The following SUCLG2 variants were observed in gnomAD, a reference collection of about 807,000 sequenced individuals.
SUCLG2 encodes succinate-CoA ligase GDP-forming subunit beta.
A neutral mutation model predicts 47.9 loss-of-function variants in SUCLG2; 42 were observed. That is an observed-to-expected ratio of 0.88 (90% confidence interval 0.69 to 1.14). The LOEUF is 1.14. Ranked by LOEUF, SUCLG2 falls within the 50% of genes most tolerant of loss-of-function variation. SUCLG2 has a pLI of 0.00. For synonymous variants in SUCLG2, 195 were observed against 197.3 expected (o/e 0.99, Z 0.10); for missense variants, 571 against 525.9 (o/e 1.09, Z -0.84).
chr3:67,394,263 A>G (rs375682190), intron 10 of SUCLG2, among the ~76,000 whole-genome samples: 1 of 151,948 alleles, frequency 6.6e-6, no homozygotes, highest in Admixed American at 6.6e-5. Context: ...CAAAGAAGTT[A>G]AAAACTTTGA....
At chr3:67,537,813 A>G (rs1207782757) in intron 2 of SUCLG2, among the ~76,000 whole-genome samples, 4 of 152,180 alleles carry the variant, frequency 2.6e-5, no homozygotes, top group African/African-American at 9.6e-5. Flanking sequence ...GCATTTCTCT[A>G]AAGACCAGTG....
At chr3:67,562,569 C>T (rs571682549) in intron 2 of SUCLG2, among the ~76,000 whole-genome samples, 7 of 152,314 alleles carry the variant, frequency 4.6e-5, no homozygotes, top group South Asian at 2.1e-4. Context: ...TGAGCCACTG[C>T]GCCCGGCCTC....
chr3:67,368,607 TTTA>T (rs1476576019), intron 10 of SUCLG2, among the ~76,000 whole-genome samples: 4 of 152,074 alleles, frequency 2.6e-5, no homozygotes, highest in African/African-American at 4.8e-5. Flanking sequence ...TATTTATTTA[TTTA>T]TTATTATTTT....
chr3:67,405,410 C>T (rs899600219), intron 9 of SUCLG2, among the ~76,000 whole-genome samples: 1 of 152,176 alleles, frequency 6.6e-6, no homozygotes, highest in Non-Finnish European at 1.5e-5. Context: ...AATAAACAAA[C>T]CAACAAAAAT....
intron 2 of SUCLG2, among the ~76,000 whole-genome samples, chr3:67,556,511 A>C (rs1575775752): frequency 6.6e-6 from 1 of 152,138 alleles, no homozygotes. Flanking sequence ...CAAAATAGAG[A>C]ATTAAATTTT....
chr3:67,476,643 C>T (rs1704767092), intron 9 of SUCLG2, among the ~76,000 whole-genome samples: 1 of 152,158 alleles, frequency 6.6e-6, no homozygotes, highest in East Asian at 1.9e-4. Context: ...GACCCTCACT[C>T]AGTAGAAAAA....
intron 1 of SUCLG2, among the ~76,000 whole-genome samples, chr3:67,628,934 C>A (rs760667454): frequency 2.0e-5 from 3 of 152,094 alleles, no homozygotes; most frequent in Admixed American, 2.0e-4. Context: ...CAGTGAGCAG[C>A]GGGAAAAGGC....
At chr3:67,382,434 C>T (rs1375463252) in intron 10 of SUCLG2, among the ~76,000 whole-genome samples, 1 of 152,178 alleles carries the variant, frequency 6.6e-6, no homozygotes, top group Non-Finnish European at 1.5e-5. Context: ...AGATGTCAGA[C>T]AATTTGCTTG....
At chr3:67,537,487 G>A (rs1336971099) in intron 2 of SUCLG2, among the ~76,000 whole-genome samples, 2 of 152,182 alleles carry the variant, frequency 1.3e-5, no homozygotes, top group African/African-American at 4.8e-5. Context: ...CATTTGGGTT[G>A]GTTCCAAGTC....
At chr3:67,579,633 G>C (rs919478603) in intron 2 of SUCLG2, among the ~76,000 whole-genome samples, 1 of 152,154 alleles carries the variant, frequency 6.6e-6, no homozygotes, top group Non-Finnish European at 1.5e-5. Context: ...TCTGTTCTAG[G>C]AGCACAGTGA....
intron 4 of SUCLG2, among the ~76,000 whole-genome samples, chr3:67,524,365 G>A (rs1706198118): frequency 1.3e-5 from 2 of 152,218 alleles, no homozygotes; most frequent in South Asian, 4.1e-4. Flanking sequence ...GTGGTCAGGA[G>A]ATGAGTGCTA....
intron 1 of SUCLG2, among the ~76,000 whole-genome samples, chr3:67,610,932 G>T (rs1700516935): frequency 6.6e-6 from 1 of 152,094 alleles, no homozygotes; most frequent in African/African-American, 2.4e-5. Flanking sequence ...TCCACTAAAG[G>T]GTAGAAAGTG....
intron 1 of SUCLG2, among the ~76,000 whole-genome samples, chr3:67,612,177 A>C (rs1700539119): frequency 6.6e-6 from 1 of 152,114 alleles, no homozygotes; most frequent in Admixed American, 6.6e-5. Flanking sequence ...TGGGCAACAT[A>C]GTGAGACCCT....
chr3:67,654,268 T>A (rs984372027), intron 1 of SUCLG2, among the ~76,000 whole-genome samples: 1 of 152,182 alleles, frequency 6.6e-6, no homozygotes, highest in Non-Finnish European at 1.5e-5. Context: ...GAGACTCTAG[T>A]GCGTTGGGTC....
At chr3:67,558,842 C>T (rs1707230328) in intron 2 of SUCLG2, among the ~76,000 whole-genome samples, 1 of 152,126 alleles carries the variant, frequency 6.6e-6, no homozygotes, top group Non-Finnish European at 1.5e-5. Flanking sequence ...ATCAATGATC[C>T]TTTTACCCTT....
At chr3:67,599,923 G>T (rs1391807456) in intron 2 of SUCLG2, among the ~76,000 whole-genome samples, 1 of 152,044 alleles carries the variant, frequency 6.6e-6, no homozygotes, top group Admixed American at 6.6e-5. Flanking sequence ...TGACTTTTTT[G>T]TCCGTAACCT....
chr3:67,360,713 A>C (rs1701791942), exon 11 of SUCLG2: 1 of 1,532,436 alleles, frequency 6.5e-7, no homozygotes, highest in South Asian at 1.2e-5. Context: ...TCTCATTTGA[A>C]TTTCCTGTTT....
chr3:67,361,542 C>T (rs1043913920), intron 10 of SUCLG2, among the ~76,000 whole-genome samples: 10 of 152,240 alleles, frequency 6.6e-5, no homozygotes, highest in African/African-American at 2.2e-4. Flanking sequence ...AGGAGACAGA[C>T]GAGACAGATT....
chr3:67,515,693 T>C (rs920872910), intron 6 of SUCLG2, among the ~76,000 whole-genome samples: 5 of 152,262 alleles, frequency 3.3e-5, no homozygotes, highest in East Asian at 1.9e-4. Context: ...GAAAAGATCA[T>C]TGATGATTGT....
Sources: allele counts gnomAD v4.1 joint callset (sites outside exome capture counted in the v4.1 genomes callset), GRCh38; gene constraint gnomAD v4.1.1; transcripts MANE v1.5; gene names NCBI Gene and HGNC (gene_info 2026-07-23, HGNC 2026-07-21).